The following ADARB2 variants were observed in gnomAD, a reference collection of about 807,000 sequenced individuals.
The protein encoded by ADARB2 is adenosine deaminase RNA specific B2 (inactive), also known as inactive double-stranded RNA-specific editase B2.
A neutral mutation model predicts 62.2 loss-of-function variants in ADARB2; 25 were observed. That is an observed-to-expected ratio of 0.40 (90% CI 0.29 to 0.56). ADARB2 has a LOEUF of 0.56. ADARB2 is among the 20% of genes least tolerant of loss of function. ADARB2 has a pLI of 0.43. For synonymous variants in ADARB2, 572 were observed against 500.8 expected, an observed-to-expected ratio of 1.14 and a Z score of -1.90; for missense variants, 1,071 against 1,077.4, an observed-to-expected ratio of 0.99 and a Z score of 0.08.
At chr10:1,696,660 C>T (rs1834749910) in intron 1 of ADARB2, among the ~76,000 whole-genome samples, 1 of 152,204 alleles carries the variant, frequency 6.6e-6, no homozygotes, top group African/African-American at 2.4e-5. Context: ...TGTGCCTCCG[C>T]TGAGAGATGA....
chr10:1,521,311 C>T (rs946106530), intron 1 of ADARB2, among the ~76,000 whole-genome samples: 1 of 152,194 alleles, frequency 6.6e-6, no homozygotes, highest in African/African-American at 2.4e-5. Flanking sequence ...CCAATGGACT[C>T]AGGTGTGGAT....
intron 1 of ADARB2, among the ~76,000 whole-genome samples, chr10:1,451,595 C>T (rs1329607804): frequency 6.6e-6 from 1 of 150,918 alleles, no homozygotes; most frequent in Non-Finnish European, 1.5e-5. Context: ...TGAGGAGGGG[C>T]TCACCTGTAT....
At chr10:1,263,011 C>T (rs1389968060) in intron 4 of ADARB2, among the ~76,000 whole-genome samples, 2 of 151,602 alleles carry the variant, frequency 1.3e-5, no homozygotes, top group African/African-American at 4.9e-5. Context: ...AACCATCATT[C>T]TCAGCAAACT....
intron 1 of ADARB2, among the ~76,000 whole-genome samples, chr10:1,420,888 G>T (rs917292180): frequency 6.6e-6 from 1 of 152,136 alleles, no homozygotes; most frequent in Non-Finnish European, 1.5e-5. Flanking sequence ...CACACACCCC[G>T]GAGCAAACCG....
chr10:1,186,530 C>T (rs748925974), intron 8 of ADARB2: 9 of 519,092 alleles, frequency 1.7e-5, no homozygotes, highest in Admixed American at 7.8e-5. Context: ...CCCAGCTGGC[C>T]GGGTGTCTCC....
intron 1 of ADARB2, among the ~76,000 whole-genome samples, chr10:1,607,303 G>A (rs1356253535): frequency 1.3e-5 from 2 of 152,204 alleles, no homozygotes. Context: ...AGGCTAGAGA[G>A]GACCCGGTTC....
intron 1 of ADARB2, among the ~76,000 whole-genome samples, chr10:1,717,852 A>G (rs899089873): frequency 6.6e-6 from 1 of 152,208 alleles, no homozygotes; most frequent in African/African-American, 2.4e-5. Flanking sequence ...TGCTGGGATT[A>G]TAGGTGTGAG....
At chr10:1,445,256 TTCCA>T (rs894062871) in intron 1 of ADARB2, among the ~76,000 whole-genome samples, 11 of 147,468 alleles carry the variant, frequency 7.5e-5, no homozygotes, top group African/African-American at 2.0e-4. Context: ...ACATCCATTC[TTCCA>T]TCCATCCATC....
intron 1 of ADARB2, among the ~76,000 whole-genome samples, chr10:1,606,534 G>C (rs1319198547): frequency 6.6e-6 from 1 of 152,208 alleles, no homozygotes; most frequent in Non-Finnish European, 1.5e-5. Flanking sequence ...AATCCATCAA[G>C]CCTGTGTCCA....
intron 4 of ADARB2, among the ~76,000 whole-genome samples, chr10:1,250,271 A>G (rs1410469072): frequency 6.6e-6 from 1 of 151,704 alleles, no homozygotes; most frequent in Non-Finnish European, 1.5e-5. Context: ...TGTAGCCAAA[A>G]CTCCTGTTGA....
chr10:1,507,226 C>T (rs1453862099), intron 1 of ADARB2, among the ~76,000 whole-genome samples: 1 of 152,200 alleles, frequency 6.6e-6, no homozygotes, highest in African/African-American at 2.4e-5. Context: ...GGAGTTGACG[C>T]TGCTACAGAG....
At chr10:1,656,025 T>C (rs1209999963) in intron 1 of ADARB2, among the ~76,000 whole-genome samples, 1 of 152,184 alleles carries the variant, frequency 6.6e-6, no homozygotes, top group East Asian at 1.9e-4. Context: ...GACAAAACAG[T>C]GTTCACATTT....
intron 8 of ADARB2, among the ~76,000 whole-genome samples, chr10:1,197,993 C>T (rs1468482348): frequency 6.6e-6 from 1 of 152,200 alleles, no homozygotes; most frequent in Admixed American, 6.5e-5. Flanking sequence ...ACTGAATTCA[C>T]TGAGAAGGAC....
At chr10:1,656,899 G>A (rs141688657) in intron 1 of ADARB2, among the ~76,000 whole-genome samples, 292 of 152,006 alleles carry the variant, frequency 1.9e-3, no homozygotes, top group Non-Finnish European at 3.3e-3. Context: ...GCATTAGGAT[G>A]GGCCAGAAAA....
chr10:1,578,480 T>C (rs1833050425), intron 1 of ADARB2, among the ~76,000 whole-genome samples: 1 of 152,180 alleles, frequency 6.6e-6, no homozygotes. Context: ...TCACTGGCAG[T>C]AGTGAGCTGG....
chr10:1,498,462 C>A (rs1831721152), intron 1 of ADARB2, among the ~76,000 whole-genome samples: 1 of 151,906 alleles, frequency 6.6e-6, no homozygotes, highest in African/African-American at 2.4e-5. Context: ...GGAGTGATCT[C>A]ATATGTGTGA....
intron 4 of ADARB2, among the ~76,000 whole-genome samples, chr10:1,267,060 A>G (rs564139454): frequency 5.8e-4 from 89 of 152,158 alleles, no homozygotes; most frequent in African/African-American, 1.9e-3. Context: ...AACAAATGAC[A>G]TAAAACTATA....
intron 4 of ADARB2, among the ~76,000 whole-genome samples, chr10:1,249,710 G>A (rs1386470394): frequency 6.6e-6 from 1 of 151,890 alleles, no homozygotes; most frequent in Non-Finnish European, 1.5e-5. Context: ...AACATCTGCT[G>A]CAGCCATTGA....
chr10:1,676,156 A>T (rs1834464307), intron 1 of ADARB2: 1 of 549,518 alleles, frequency 1.8e-6, no homozygotes, highest in Admixed American at 6.4e-5. Context: ...GCAATATGAA[A>T]TTAAGTGAGT....
Sources: allele counts gnomAD v4.1 joint callset (sites outside exome capture counted in the v4.1 genomes callset), GRCh38; gene constraint gnomAD v4.1.1; transcripts MANE v1.5; gene names NCBI Gene and HGNC (gene_info 2026-07-23, HGNC 2026-07-21).